Variants in CNTNAP4 observed in about 807,000 individuals in gnomAD.
CNTNAP4 encodes the protein contactin associated protein family member 4.
A neutral mutation model predicts 148.4 loss-of-function variants in CNTNAP4; 98 were observed. The ratio of observed to expected loss-of-function variants is 0.66; its 90% CI spans 0.56 to 0.78. The LOEUF (loss-of-function observed/expected upper bound fraction) is 0.78, where lower values mean the gene tolerates loss of function less well. CNTNAP4 is among the 30% of genes least tolerant of loss of function. CNTNAP4 has a pLI of 0.00. For missense variants in CNTNAP4, 1,935 were observed against 1,565.6 expected, an observed-to-expected ratio of 1.24 and a Z score of -3.98; for synonymous variants, 730 against 565.1, an observed-to-expected ratio of 1.29 and a Z score of -4.14.
chr16:76,477,684 T>G (rs758309817), intron 11 of CNTNAP4, among the ~76,000 whole-genome samples: 2 of 152,196 alleles, frequency 1.3e-5, no homozygotes, highest in Non-Finnish European at 2.9e-5. Flanking sequence ...ACACCTCACC[T>G]GTACTTGCAT....
intron 3 of CNTNAP4, among the ~76,000 whole-genome samples, chr16:76,373,350 C>T (rs2015066710): frequency 6.6e-6 from 1 of 151,602 alleles, no homozygotes; most frequent in African/African-American, 2.4e-5. Context: ...GTAAAAGAAA[C>T]ATTCTTAGTC....
At chr16:76,375,579 A>G (rs908968482) in intron 3 of CNTNAP4, among the ~76,000 whole-genome samples, 1 of 152,206 alleles carries the variant, frequency 6.6e-6, no homozygotes, top group Admixed American at 6.5e-5. Flanking sequence ...CCTTTGCTCC[A>G]GGAAAAGTCC....
chr16:76,384,118 G>A (rs531072182), intron 3 of CNTNAP4, among the ~76,000 whole-genome samples: 30 of 151,698 alleles, frequency 2.0e-4, no homozygotes, highest in South Asian at 4.2e-4. Context: ...ATCTTGGCTC[G>A]CTGCAACCTC....
chr16:76,463,958 AT>A (rs963442058), intron 9 of CNTNAP4, among the ~76,000 whole-genome samples: 2 of 152,040 alleles, frequency 1.3e-5, no homozygotes, highest in African/African-American at 4.8e-5. Context: ...TTATTCAATC[AT>A]TTTTTCAATT....
intron 8 of CNTNAP4, among the ~76,000 whole-genome samples, chr16:76,455,718 A>G (rs1397013819): frequency 6.6e-6 from 1 of 152,136 alleles, no homozygotes; most frequent in African/African-American, 2.4e-5. Flanking sequence ...AAGAGGCAAC[A>G]CCCTTTGGTT....
chr16:76,291,126 A>G (rs949748244), intron 1 of CNTNAP4, among the ~76,000 whole-genome samples: 3 of 152,156 alleles, frequency 2.0e-5, no homozygotes, highest in Non-Finnish European at 4.4e-5. Context: ...TTGACATATT[A>G]ATTGTGGAGT....
chr16:76,465,994 A>C (rs1226468724), intron 9 of CNTNAP4, among the ~76,000 whole-genome samples: 1 of 152,218 alleles, frequency 6.6e-6, no homozygotes, highest in Non-Finnish European at 1.5e-5. Flanking sequence ...GTAGAAAACT[A>C]GTGTGGATTA....
At chr16:76,530,976 T>A (rs2083959618) in intron 17 of CNTNAP4, among the ~76,000 whole-genome samples, 1 of 152,196 alleles carries the variant, frequency 6.6e-6, no homozygotes, top group African/African-American at 2.4e-5. Flanking sequence ...GCATGCCCTG[T>A]CACTATTCTG....
chr16:76,497,513 C>G (rs1463471173), intron 14 of CNTNAP4, among the ~76,000 whole-genome samples: 1 of 151,524 alleles, frequency 6.6e-6, no homozygotes, highest in Non-Finnish European at 1.5e-5. Context: ...TGGGGGGCAG[C>G]CATAAAAAAG....
At position 76,368,888 on chromosome 16, in the gene CNTNAP4, G is replaced by C. The variant is rs371259818; in HGVS notation, c.390+13377G>C. Among the ~76,000 whole-genome samples, 7 of 152,224 alleles carry C rather than the reference G, an allele frequency of 4.6e-5. No individual in the cohort carries two copies. In the East Asian group the frequency reaches 1.3e-3, roughly 29 times the overall value. On this transcript the variant is annotated intron_variant, in intron 3 of 23. Coordinates refer to ENST00000611870, the MANE Select transcript of CNTNAP4 (RefSeq NM_033401.5). ...TCAGTTTACACTCGCCCCATTTGAAGAGCTCAATGGCTGCGTTAGACCAGT... is the reference window on the plus strand; with the variant it reads ...TCAGTTTACACTCGCCCCATTTGAACAGCTCAATGGCTGCGTTAGACCAGT...
At chr16:76,357,132 A>G (rs1225919551) in intron 3 of CNTNAP4, among the ~76,000 whole-genome samples, 1 of 152,034 alleles carries the variant, frequency 6.6e-6, no homozygotes, top group South Asian at 2.1e-4. Context: ...CATGAAAGCC[A>G]CTCAAACTAG....
Position 76,403,261 on chromosome 16 carries a change from T to C in CNTNAP4, c.391-24191T>C, listed in dbSNP as rs74509171. Reference sequence around the variant, plus strand: ...GCACCTGCCACCACACCTGGCAAATTTTTTTGTATTTTTAGTAGAGATGGG... The same window carrying C: ...GCACCTGCCACCACACCTGGCAAATCTTTTTGTATTTTTAGTAGAGATGGG... On this transcript the variant is annotated intron_variant, in intron 3 of 23. Coordinates refer to ENST00000611870, the MANE Select transcript of CNTNAP4 (RefSeq NM_033401.5). 9.9e-3 allele frequency among the ~76,000 whole-genome samples: 1,498 copies of C among 151,984 alleles called. 28 individuals are homozygous for C. The highest frequency in any genetic ancestry group is 0.034 in the African/African-American group (1,390 of 41,454).
intron 1 of CNTNAP4, among the ~76,000 whole-genome samples, chr16:76,311,410 G>T (rs2144038276): frequency 1.3e-5 from 2 of 152,152 alleles, no homozygotes; most frequent in African/African-American, 4.8e-5. Flanking sequence ...CTGAGATATT[G>T]AACGGAAAGC....
chr16:76,491,384 C>T (rs1359787413), intron 13 of CNTNAP4, among the ~76,000 whole-genome samples: 9 of 152,260 alleles, frequency 5.9e-5, no homozygotes, highest in Middle Eastern at 3.4e-3. Context: ...ATGAAATGGA[C>T]GAATGGTTAA....
intron 17 of CNTNAP4, 40 bp downstream of exon 17, chr16:76,522,297 T>C (rs1486259007): frequency 6.4e-7 from 1 of 1,555,206 alleles, no homozygotes; most frequent in South Asian, 1.1e-5. Context: ...TTGTATGATA[T>C]GTGTTCAGAA....
At chr16:76,472,184 T>A (rs992446718) in intron 10 of CNTNAP4, among the ~76,000 whole-genome samples, 22 of 151,958 alleles carry the variant, frequency 1.4e-4, no homozygotes, top group Non-Finnish European at 3.1e-4. Flanking sequence ...GAGAAAAGTG[T>A]AAAATACAAT....
At chr16:76,318,206 A>G (rs1962012811) in intron 2 of CNTNAP4, among the ~76,000 whole-genome samples, 3 of 152,206 alleles carry the variant, frequency 2.0e-5, no homozygotes, top group South Asian at 2.1e-4. Context: ...AGAGTTTGAC[A>G]TTTACCACCA....
chr16:76,430,590 A>C (rs747113754), intron 4 of CNTNAP4, among the ~76,000 whole-genome samples: 6 of 152,168 alleles, frequency 3.9e-5, no homozygotes, highest in Non-Finnish European at 7.4e-5. Flanking sequence ...CAGCCACAGG[A>C]CATTCATCCA....
chr16:76,389,934 C>A (rs1038785259), intron 3 of CNTNAP4, among the ~76,000 whole-genome samples: 1 of 152,112 alleles, frequency 6.6e-6, no homozygotes, highest in South Asian at 2.1e-4. Flanking sequence ...ATTTGGAAGG[C>A]AATTTCAAGA....
Sources: gnomAD v4.1 joint callset for allele counts (sites outside exome capture counted in the v4.1 genomes callset) on GRCh38, gnomAD v4.1.1 for gene constraint, MANE v1.5 for transcripts, NCBI Gene and HGNC (gene_info 2026-07-23, HGNC 2026-07-21) for gene names.